Variants in IFNGR2 observed in about 807,000 individuals in gnomAD.
The protein encoded by IFNGR2 is interferon gamma receptor 2, also known as IFN-gamma receptor 2.
A neutral mutation model predicts 41.1 loss-of-function variants in IFNGR2; 15 were observed. The observed-to-expected ratio is 0.37, with a 90% CI of 0.24 to 0.56. The LOEUF (loss-of-function observed/expected upper bound fraction) is 0.56. Among genes scored for constraint, IFNGR2 ranks in the 20% least tolerant of loss-of-function variants. The probability of loss-of-function intolerance (pLI) is 0.81; values close to 1 mark genes in which losing one functional copy is unlikely to be tolerated. For synonymous variants in IFNGR2, 161 were observed against 171.6 expected, an observed-to-expected ratio of 0.94 and a Z score of 0.48; for missense variants, 362 against 415.7, an observed-to-expected ratio of 0.87 and a Z score of 1.12.
chr21:33,433,449 T>C (rs920678879), intron 6 of IFNGR2, among the ~76,000 whole-genome samples: 2 of 152,164 alleles, frequency 1.3e-5, no homozygotes, highest in African/African-American at 2.4e-5. Context: ...AGGAAGGGGA[T>C]TGTGACACAT....
At chr21:33,418,452 C>T (rs1347507760) in intron 2 of IFNGR2, among the ~76,000 whole-genome samples, 1 of 152,004 alleles carries the variant, frequency 6.6e-6, no homozygotes, top group African/African-American at 2.4e-5. Flanking sequence ...TTTTCTTTTT[C>T]AGTTTGTAGA....
chr21:33,404,803 C>A (rs2083665715), intron 1 of IFNGR2, among the ~76,000 whole-genome samples: 2 of 152,276 alleles, frequency 1.3e-5, no homozygotes, highest in Admixed American at 6.5e-5. Flanking sequence ...ACCTCTGACA[C>A]CAGCTGACCA....
At chr21:33,425,384 G>A (rs2083827439) in intron 3 of IFNGR2, among the ~76,000 whole-genome samples, 1 of 152,162 alleles carries the variant, frequency 6.6e-6, no homozygotes, top group Non-Finnish European at 1.5e-5. Flanking sequence ...GGTTTACTGG[G>A]TTCATGTCAG....
chr21:33,405,103 G>GA lies in IFNGR2; in HGVS notation c.73+1507dup, dbSNP rs3057379. On this transcript the variant is annotated intron_variant, in intron 1 of 6. Transcript: ENST00000290219. ...GGCGACAGAGCAAGACTCTGTCTCAGAAAAAAAAAAAAAAAAAAAAGAAAA... is the reference window on the plus strand; with the variant it reads ...GGCGACAGAGCAAGACTCTGTCTCAGAAAAAAAAAAAAAAAAAAAAAGAAAA... Among the ~76,000 whole-genome samples, 571 of 119,784 alleles carry GA rather than the reference G, an allele frequency of 4.8e-3. 3 individuals are homozygous for GA. The highest frequency in any genetic ancestry group is 0.028 in the South Asian group (109 of 3,898). The allele number at this position is 119,784 out of a possible 152,430, so 78.6% of individuals were successfully genotyped here.
intron 3 of IFNGR2, among the ~76,000 whole-genome samples, chr21:33,421,910 C>T (rs743333): frequency 0.02 from 3,106 of 152,264 alleles, 111 homozygotes; most frequent in African/African-American, 0.071. Context: ...TCGGGCCCAC[C>T]ACTTGTTTTT....
chr21:33,410,760 G>A (rs145578133), intron 1 of IFNGR2: 13 of 999,710 alleles, frequency 1.3e-5, no homozygotes, highest in Middle Eastern at 2.1e-4. Flanking sequence ...GAGCCACCAC[G>A]CCCATCCAAT....
At chr21:33,433,117 C>T (rs368644044) in intron 6 of IFNGR2, among the ~76,000 whole-genome samples, 18 of 152,238 alleles carry the variant, frequency 1.2e-4, no homozygotes, top group African/African-American at 4.1e-4. Context: ...AACTCCTGAC[C>T]TCAAGTGATC....
Position 33,427,929 on chromosome 21 carries a change from C to T in IFNGR2, c.561+897C>T, listed in dbSNP as rs1425694544. ...ATTTTTAGTAGAGACAGGGTTTTTA[C>T]CACGTTGGTCAGGCTGGTCTCAGAC... is the stretch of plus-strand genomic sequence containing the variant. On this transcript the variant is annotated intron_variant, in intron 4 of 6. Coordinates refer to ENST00000290219, the MANE Select transcript of IFNGR2 (RefSeq NM_005534.4). Among the ~76,000 whole-genome samples, 3 of 139,436 alleles carry T rather than the reference C, an allele frequency of 2.2e-5. No homozygotes were observed. In the Admixed American group the frequency reaches 2.4e-4, roughly 11 times the overall value. 91.5% of individuals were successfully genotyped at this position (139,436 alleles called of 152,430 possible). A position where few individuals can be genotyped will look rare whatever the true frequency, so the allele number is the denominator to read the frequency against.
chr21:33,404,283 T>G (rs2083662179), intron 1 of IFNGR2, among the ~76,000 whole-genome samples: 1 of 152,176 alleles, frequency 6.6e-6, no homozygotes, highest in Admixed American at 6.5e-5. Flanking sequence ...CAATTCCGAC[T>G]TTGGCCGAGG....
chr21:33,421,361 A>T, intron 2 of IFNGR2, 119 bp from the exon 3 acceptor site: 1 of 726,990 alleles, frequency 1.4e-6, no homozygotes, highest in Non-Finnish European at 2.4e-6. Flanking sequence ...GCGGGGGGGA[A>T]CTGTATGGTA....
chr21:33,405,117 AAAAAAAG>A (rs1194786620), intron 1 of IFNGR2, among the ~76,000 whole-genome samples: 347 of 152,114 alleles, frequency 2.3e-3, no homozygotes, highest in African/African-American at 7.8e-3. Flanking sequence ...AAAAAAAAAA[AAAAAAAG>A]AAAAAGAGGA....
At chr21:33,407,849 C>CG (rs1318610256) in intron 1 of IFNGR2, among the ~76,000 whole-genome samples, 2 of 143,656 alleles carry the variant, frequency 1.4e-5, no homozygotes, top group East Asian at 2.1e-4. Flanking sequence ...CCACCGCACC[C>CG]CCCCCCGCCA....
rs1317026582 is a variant in IFNGR2, at chr21:33,432,856, A to G, written c.864A>G (p.Pro288=). Residue 288 remains proline, a synonymous_variant, in exon 6 of 7, where the codon CCA becomes CCG. Transcript: ENST00000290219. ...GGTTTCACACTCCACCAAGCATCCC[A>G]TTACAGATAGAAGAGGTACGTGTGC... ...KYWFHTPPSI[P]LQIEEYLKDP... 6.2e-7 allele frequency: 1 copy of G among 1,611,698 alleles called. No homozygotes were observed. The highest frequency in any genetic ancestry group is 1.3e-5 in the African/African-American group (1 of 74,528).
chr21:33,419,354 C>T (rs1030629310), intron 2 of IFNGR2, among the ~76,000 whole-genome samples: 4 of 152,050 alleles, frequency 2.6e-5, no homozygotes, highest in African/African-American at 7.2e-5. Flanking sequence ...GTGATCTGCC[C>T]GCCTCAGCCT....
chr21:33,408,447 C>T (rs2083693359), intron 1 of IFNGR2, among the ~76,000 whole-genome samples: 1 of 152,066 alleles, frequency 6.6e-6, no homozygotes, highest in East Asian at 1.9e-4. Context: ...CTGCCTGCCT[C>T]AACCTCCCAA....
At chr21:33,429,434 G>A (rs910678193) in intron 4 of IFNGR2, among the ~76,000 whole-genome samples, 2 of 152,120 alleles carry the variant, frequency 1.3e-5, no homozygotes, top group African/African-American at 4.8e-5. Context: ...AGATTTTCCT[G>A]TCTCAGCCTC....
chr21:33,404,632 T>G (rs1260010358), intron 1 of IFNGR2, among the ~76,000 whole-genome samples: 1 of 152,154 alleles, frequency 6.6e-6, no homozygotes, highest in Non-Finnish European at 1.5e-5. Flanking sequence ...TCTCACTGTG[T>G]TGCCCAGGCT....
intron 6 of IFNGR2, among the ~76,000 whole-genome samples, chr21:33,434,587 G>A (rs1352356412): frequency 6.6e-6 from 1 of 152,198 alleles, no homozygotes; most frequent in African/African-American, 2.4e-5. Context: ...GGTAAACCTA[G>A]AGTAAAGGTG....
Position 33,432,378 on chromosome 21 carries a change from A to C in IFNGR2, c.721+42A>C, listed in dbSNP as rs143277613. 96 of 1,569,352 alleles carry C rather than the reference A, an allele frequency of 6.1e-5. No homozygotes were observed. In the East Asian group the frequency reaches 2.1e-3, roughly 34 times the overall value. ...TATGTCCTTTCTGAACTGGGAAAAG[A>C]ATACTCCTCCAATAGTGAAATCGGG... On this transcript the variant is annotated intron_variant, in intron 5 of 6. Coordinates refer to ENST00000290219, the MANE Select transcript of IFNGR2 (RefSeq NM_005534.4).
Sources: allele counts gnomAD v4.1 joint callset (sites outside exome capture counted in the v4.1 genomes callset), GRCh38; gene constraint gnomAD v4.1.1; transcripts MANE v1.5; gene names NCBI Gene and HGNC (gene_info 2026-07-23, HGNC 2026-07-21).